CDIN1: variants seen among roughly 807,000 people sequenced by gnomAD.
CDIN1 encodes CDAN1 interacting nuclease 1.
A neutral mutation model predicts 45.3 loss-of-function variants in CDIN1; 33 were observed. The observed-to-expected ratio is 0.73, with a 90% CI of 0.55 to 0.97. The LOEUF (loss-of-function observed/expected upper bound fraction) is 0.97, where lower values mean the gene tolerates loss of function less well. CDIN1 is among the 50% of genes least tolerant of loss of function. The pLI is 0.00. For synonymous variants in CDIN1, 118 were observed against 124.4 expected (o/e 0.95, Z 0.34); for missense variants, 303 against 339.4 (o/e 0.89, Z 0.84).
At chr15:36,680,443 G>A (rs1180738557) in intron 5 of CDIN1, among the ~76,000 whole-genome samples, 2 of 152,128 alleles carry the variant, frequency 1.3e-5, no homozygotes, top group African/African-American at 4.8e-5. Flanking sequence ...TTGTTAGTGG[G>A]CCATATTTCC....
intron 1 of CDIN1, among the ~76,000 whole-genome samples, chr15:36,608,634 G>T (rs1400442742): frequency 2.0e-5 from 3 of 151,394 alleles, no homozygotes; most frequent in Non-Finnish European, 4.4e-5. Flanking sequence ...TTTATTTATG[G>T]TGTCCTTGAG....
intron 1 of CDIN1, among the ~76,000 whole-genome samples, chr15:36,581,265 C>A (rs2037028382): frequency 6.6e-6 from 1 of 152,156 alleles, no homozygotes. Context: ...TGATATTCTC[C>A]TCTCACTATG....
intron 1 of CDIN1, among the ~76,000 whole-genome samples, chr15:36,609,142 C>T (rs2038526914): frequency 6.6e-6 from 1 of 152,102 alleles, no homozygotes; most frequent in South Asian, 2.1e-4. Context: ...TCCTGAGTAG[C>T]CTGGGACCAC....
At chr15:36,583,025 T>A (rs1017062879) in intron 1 of CDIN1, among the ~76,000 whole-genome samples, 1 of 152,224 alleles carries the variant, frequency 6.6e-6, no homozygotes, top group African/African-American at 2.4e-5. Context: ...TATTACTTAT[T>A]GATCTGCATA....
At chr15:36,751,229 T>TTTTATATATATA (rs568110101) in intron 10 of CDIN1, among the ~76,000 whole-genome samples, 22 of 97,574 alleles carry the variant, frequency 2.3e-4, no homozygotes, top group African/African-American at 9.1e-4. Context: ...TATGCTTATT[T>TTTTATATATATA]TATATATATA....
At chr15:36,800,228 A>G (rs1395951765) in intron 10 of CDIN1, among the ~76,000 whole-genome samples, 1 of 152,208 alleles carries the variant, frequency 6.6e-6, no homozygotes, top group African/African-American at 2.4e-5. Flanking sequence ...CATAGCCAAC[A>G]TGCATAGATT....
intron 5 of CDIN1, among the ~76,000 whole-genome samples, chr15:36,662,802 A>G (rs1352442763): frequency 6.6e-6 from 1 of 151,182 alleles, no homozygotes; most frequent in African/African-American, 2.4e-5. Context: ...CGTAACACAA[A>G]TCGAGTATCC....
intron 1 of CDIN1, among the ~76,000 whole-genome samples, chr15:36,600,689 A>G (rs2038053839): frequency 2.0e-5 from 3 of 152,186 alleles, no homozygotes; most frequent in Admixed American, 2.0e-4. Flanking sequence ...AAATTTGTAT[A>G]TTAACTGAAT....
chr15:36,805,076 A>G (rs112805059), intron 10 of CDIN1, among the ~76,000 whole-genome samples: 2,352 of 151,552 alleles, frequency 0.016, 69 homozygotes, highest in African/African-American at 0.054. Flanking sequence ...TTCACCTCCC[A>G]TTTTTTCAAG....
At chr15:36,760,446 A>G (rs1023759576) in intron 10 of CDIN1, among the ~76,000 whole-genome samples, 3 of 152,206 alleles carry the variant, frequency 2.0e-5, no homozygotes, top group Non-Finnish European at 2.9e-5. Context: ...CCAGTTGTCT[A>G]GTAACCTAAA....
intron 3 of CDIN1, among the ~76,000 whole-genome samples, chr15:36,649,780 C>T (rs149419948): frequency 1.3e-5 from 2 of 152,294 alleles, no homozygotes; most frequent in African/African-American, 2.4e-5. Flanking sequence ...TTGGAACTCC[C>T]ACAGCACTCT....
intron 10 of CDIN1, among the ~76,000 whole-genome samples, chr15:36,768,613 C>T (rs1378910183): frequency 6.6e-6 from 1 of 152,158 alleles, no homozygotes; most frequent in East Asian, 1.9e-4. Flanking sequence ...CGCAGATCCC[C>T]ATCCTTGCAT....
chr15:36,644,199 A>T, intron 1 of CDIN1, 79 bp from the exon 2 acceptor site: 2 of 1,384,510 alleles, frequency 1.4e-6, no homozygotes, highest in Non-Finnish European at 2.0e-6. Flanking sequence ...CAGCAGGCCT[A>T]CCTTTGAAGC....
At chr15:36,594,176 AAG>A (rs1163904386) in intron 1 of CDIN1, among the ~76,000 whole-genome samples, 1 of 152,148 alleles carries the variant, frequency 6.6e-6, no homozygotes, top group Non-Finnish European at 1.5e-5. Context: ...TTCTAGATCA[AAG>A]AGAGGGTTTC....
intron 10 of CDIN1, among the ~76,000 whole-genome samples, chr15:36,770,443 T>TTAA (rs2054045117): frequency 6.7e-6 from 1 of 148,928 alleles, no homozygotes; most frequent in East Asian, 1.9e-4. Context: ...ATGATGATGA[T>TTAA]TATTATTATT....
At chr15:36,703,740 T>C (rs2042760989) in intron 8 of CDIN1, among the ~76,000 whole-genome samples, 1 of 152,118 alleles carries the variant, frequency 6.6e-6, no homozygotes, top group Admixed American at 6.6e-5. Context: ...TCTGTCTGTG[T>C]AGGAGATCCT....
At chr15:36,645,494 TTGTGTGTGTGTGTGTGTGTGTG>T (rs57349735) in intron 3 of CDIN1, among the ~76,000 whole-genome samples, 1 of 143,384 alleles carries the variant, frequency 7.0e-6, no homozygotes, top group Non-Finnish European at 1.5e-5. Context: ...CTGTCTTGAC[TTGTGTGTGTGTGTGTGTGTGTG>T]TGTGTGTGTG....
intron 10 of CDIN1, among the ~76,000 whole-genome samples, chr15:36,714,879 G>A (rs1566924934): frequency 6.6e-6 from 1 of 152,178 alleles, no homozygotes; most frequent in Non-Finnish European, 1.5e-5. Context: ...TGAGGTCACT[G>A]ATACCTGGAA....
At chr15:36,679,108 T>G (rs2041757905) in intron 5 of CDIN1, among the ~76,000 whole-genome samples, 1 of 1,658 alleles carries the variant, frequency 6.0e-4, no homozygotes, top group African/African-American at 6.7e-4. Flanking sequence ...GACTTCTACC[T>G]AGTTCTTTTC....
Sources: gnomAD v4.1 joint callset for allele counts (sites outside exome capture counted in the v4.1 genomes callset) on GRCh38, gnomAD v4.1.1 for gene constraint, MANE v1.5 for transcripts, NCBI Gene and HGNC (gene_info 2026-07-23, HGNC 2026-07-21) for gene names.